The following ZNF93 variants were observed in gnomAD, a reference collection of about 807,000 sequenced individuals.
ZNF93 encodes zinc finger protein 505.
ZNF93 carries 29 observed loss-of-function variants against 45.0 expected under a neutral mutation model. The observed-to-expected ratio is 0.64, with a 90% CI of 0.48 to 0.88. The LOEUF (loss-of-function observed/expected upper bound fraction) is 0.88. ZNF93 is among the 40% of genes least tolerant of loss of function. The pLI, the probability that ZNF93 is intolerant of heterozygous loss-of-function variation, is 0.00. For synonymous variants in ZNF93, 223 were observed against 244.6 expected (o/e 0.91, Z 0.82); for missense variants, 578 against 724.0 (o/e 0.80, Z 2.31).
intron 1 of ZNF93, among the ~76,000 whole-genome samples, chr19:19,915,008 A>G (rs1025221864): frequency 6.6e-6 from 1 of 152,244 alleles, no homozygotes; most frequent in Non-Finnish European, 1.5e-5. Context: ...ATAGCACTCA[A>G]AAATGTACAT....
chr19:19,928,283 G>A (rs190308957), intron 3 of ZNF93, among the ~76,000 whole-genome samples: 4 of 151,912 alleles, frequency 2.6e-5, no homozygotes, highest in Non-Finnish European at 5.9e-5. Flanking sequence ...TCTCTATTCT[G>A]TTCTTTCATC....
intron 1 of ZNF93, among the ~76,000 whole-genome samples, chr19:19,910,988 A>T (rs566912468): frequency 6.6e-6 from 1 of 152,350 alleles, no homozygotes; most frequent in Non-Finnish European, 1.5e-5. Context: ...GAGGGGCTCC[A>T]GGAGAAATAG....
At chr19:19,908,869 A>AAAAG (rs71172546) in intron 1 of ZNF93, 1 of 148,804 alleles carries the variant, frequency 6.7e-6, no homozygotes, top group Non-Finnish European at 1.4e-5. Context: ...AAAAAAAAAA[A>AAAAG]TCTTGCTCAG....
chr19:19,923,356 G>A (rs1380111984), intron 3 of ZNF93, among the ~76,000 whole-genome samples: 2 of 152,184 alleles, frequency 1.3e-5, no homozygotes, highest in Non-Finnish European at 2.9e-5. Flanking sequence ...CTACTTGGGG[G>A]TGCCTTCCAG....
At position 19,923,735 on chromosome 19, in the gene ZNF93, C is replaced by A. The variant is rs1193502183; in HGVS notation, c.226+7080C>A. On this transcript the variant is annotated intron_variant, in intron 3 of 3. Transcript: ENST00000343769. ...CTGAGCCAGGCATGGGATATAATCTCCTGGTTTGCCATTTGCTAAGACTGT... is the reference window on the plus strand; with the variant it reads ...CTGAGCCAGGCATGGGATATAATCTACTGGTTTGCCATTTGCTAAGACTGT... 2.0e-5 allele frequency among the ~76,000 whole-genome samples: 3 copies of A among 152,304 alleles called. 1 individual carries two copies. The highest frequency in any genetic ancestry group is 4.1e-4 in the South Asian group (2 of 4,828).
chr19:19,920,983 G>A (rs1486805945), intron 3 of ZNF93, among the ~76,000 whole-genome samples: 1 of 151,754 alleles, frequency 6.6e-6, no homozygotes, highest in Non-Finnish European at 1.5e-5. Context: ...CCTTCTGCTA[G>A]CTTTTGAATG....
At chr19:19,927,759 G>A (rs1309716546) in intron 3 of ZNF93, among the ~76,000 whole-genome samples, 1 of 152,138 alleles carries the variant, frequency 6.6e-6, no homozygotes, top group African/African-American at 2.4e-5. Context: ...TGTGAATACT[G>A]ATTACAATAA....
At chr19:19,924,836 C>T (rs2063351924) in intron 3 of ZNF93, among the ~76,000 whole-genome samples, 1 of 152,192 alleles carries the variant, frequency 6.6e-6, no homozygotes, top group Admixed American at 6.5e-5. Flanking sequence ...GGTGATCCAC[C>T]TGCCTCAGCC....
Position 19,907,486 on chromosome 19 carries a change from CAT to C in ZNF93, c.3+6397_3+6398del, listed in dbSNP as rs376879442. Reference sequence around the variant, plus strand: ...CTATTTATTACTTCAGAACAATTAGCATAGTTATGTGTAGTATTTGCAGACAA... The same window carrying C: ...CTATTTATTACTTCAGAACAATTAGCAGTTATGTGTAGTATTTGCAGACAA... On this transcript the variant is annotated intron_variant, in intron 1 of 3. Transcript: ENST00000343769. Among the ~76,000 whole-genome samples, 427 of 151,952 alleles carry C rather than the reference CAT, an allele frequency of 2.8e-3. 3 individuals carry two copies. The highest frequency in any genetic ancestry group is 9.9e-3 in the African/African-American group (409 of 41,468).
rs1194211221 is a variant in ZNF93 at position 19,934,648 on chromosome 19, T to C, written c.1693T>C (p.Tyr565His). 1.2e-6 allele frequency: 2 copies of C among 1,613,688 alleles called. No individual in the cohort carries two copies. The highest frequency in any genetic ancestry group is 2.7e-5 in the African/African-American group (2 of 74,980). The change falls in exon 4 of 4, where the codon TAT (tyrosine) becomes CAT (histidine). Residue 565 changes from tyrosine (Y) to histidine (H), a missense_variant. Tyr to His is a moderately conservative substitution (Grantham distance 83). Around this residue, in one of 3 missense-constraint regions of ZNF93, gnomAD observed 119 missense variants for 123.1 expected, o/e 0.97. Coordinates refer to ENST00000343769, the MANE Select transcript of ZNF93 (RefSeq NM_031218.4). ...GATACTTCATACTGGAGAGAAACCT[T>C]ATAGATGTAGAGAATGTGGCAAAGC... ...HKILHTGEKP[Y>H]RCRECGKAFN...
At position 19,933,667 on chromosome 19, in the gene ZNF93, T is replaced by C; in HGVS notation, c.712T>C (p.Phe238Leu). 1 of 1,612,560 alleles carries C rather than the reference T, an allele frequency of 6.2e-7. No individual in the cohort carries two copies. The highest frequency in any genetic ancestry group is 8.5e-7 in the Non-Finnish European group (1 of 1,179,306). ...CAAGTGTGATAAATGTGACAAAGCC[T>C]TTATTGCATCCTCAACCCTTAGTAA... is the stretch of plus-strand genomic sequence containing the variant. ...PYKCDKCDKA[F>L]IASSTLSKHE... The change falls in exon 4 of 4, where the codon TTT becomes CTT. Residue 238 changes from phenylalanine (F) to leucine (L), a missense_variant. Phe to Leu is a conservative substitution (Grantham distance 22). This residue lies in a region of ZNF93 where 446 missense variants were observed against 547.6 expected (regional missense o/e 0.81). Coordinates refer to ENST00000343769, the MANE Select transcript of ZNF93 (RefSeq NM_031218.4).
At chr19:19,910,669 T>A (rs2063305308) in intron 1 of ZNF93, among the ~76,000 whole-genome samples, 1 of 150,520 alleles carries the variant, frequency 6.6e-6, no homozygotes, top group South Asian at 2.1e-4. Flanking sequence ...TTTTTTTTCA[T>A]GTAGACTTAC....
At chr19:19,931,785 A>G (rs552567497) in intron 3 of ZNF93, among the ~76,000 whole-genome samples, 2 of 151,996 alleles carry the variant, frequency 1.3e-5, no homozygotes, top group Non-Finnish European at 2.9e-5. Context: ...CTTAATTTTC[A>G]TTTAATTTTG....
chr19:19,923,564 C>T (rs971116919), intron 3 of ZNF93, among the ~76,000 whole-genome samples: 7 of 152,172 alleles, frequency 4.6e-5, no homozygotes, highest in South Asian at 2.1e-4. Flanking sequence ...GTGGGCTCCA[C>T]GCAGTTCGAG....
At chr19:19,917,762 C>T (rs948904577) in intron 3 of ZNF93, among the ~76,000 whole-genome samples, 35 of 152,018 alleles carry the variant, frequency 2.3e-4, no homozygotes, top group Non-Finnish European at 3.4e-4. Context: ...GTGATCCACC[C>T]GCCTTGGCCT....
In ZNF93 at chr19:19,902,145, A is replaced by G. The variant is rs1020943559; in HGVS notation, c.3+1054A>G. On this transcript the variant is annotated intron_variant, in intron 1 of 3. Coordinates refer to ENST00000343769, the MANE Select transcript of ZNF93 (RefSeq NM_031218.4). ...CCTTATGTAAATACTGTGTTTGAGT[A>G]ATTTCACGGATTTTTCAAACACTGA... Among the ~76,000 whole-genome samples the G allele has an allele frequency of 2.6e-5, 4 of 152,214 alleles. No individual in the cohort carries two copies. In the East Asian group the frequency reaches 7.7e-4, roughly 29 times the overall value.
At chr19:19,927,117 G>A (rs989716031) in intron 3 of ZNF93, 2 of 398,366 alleles carry the variant, frequency 5.0e-6, no homozygotes, top group Non-Finnish European at 8.8e-6. Context: ...TCAGGGCCAG[G>A]TGTGGTTGTG....
chr19:19,930,218 G>A (rs1451582290), intron 3 of ZNF93, among the ~76,000 whole-genome samples: 1 of 152,084 alleles, frequency 6.6e-6, no homozygotes, highest in East Asian at 1.9e-4. Flanking sequence ...GAGAGGGAGA[G>A]AGAGAGACAG....
intron 1 of ZNF93, among the ~76,000 whole-genome samples, chr19:19,901,572 G>A (rs954352410): frequency 6.6e-6 from 1 of 151,544 alleles, no homozygotes; most frequent in African/African-American, 2.4e-5. Flanking sequence ...GAGTTGTTAG[G>A]GCAGCTAAGT....
Sources: allele counts gnomAD v4.1 joint callset (sites outside exome capture counted in the v4.1 genomes callset), GRCh38; gene constraint gnomAD v4.1.1; regional missense constraint gnomAD v4.1.1; transcripts MANE v1.5; gene names NCBI Gene and HGNC (gene_info 2026-07-23, HGNC 2026-07-21).